The following DOCK4 variants were observed in gnomAD, a reference collection of about 807,000 sequenced individuals.
DOCK4 encodes dedicator of cytokinesis protein 4.
DOCK4 carries 97 observed loss-of-function variants against 268.1 expected under a neutral mutation model. The ratio of observed to expected loss-of-function variants is 0.36; its 90% CI spans 0.31 to 0.43. The LOEUF (loss-of-function observed/expected upper bound fraction) is 0.43, where lower values mean the gene tolerates loss of function less well. Among genes scored for constraint, DOCK4 ranks in the 20% least tolerant of loss-of-function variants. The pLI, the probability that DOCK4 is intolerant of heterozygous loss-of-function variation, is 1.00. For synonymous variants in DOCK4, 954 were observed against 887.2 expected (o/e 1.08, Z -1.34); for missense variants, 2,145 against 2,455.7 (o/e 0.87, Z 2.67).
chr7:111,855,332 G>A (rs943786946), intron 23 of DOCK4, among the ~76,000 whole-genome samples: 2 of 152,174 alleles, frequency 1.3e-5, no homozygotes, highest in Non-Finnish European at 2.9e-5. Context: ...GAGGCAGTGG[G>A]GGTGTGGAGA....
chr7:111,783,731 C>A (rs1288141431), intron 34 of DOCK4, 126 bp downstream of exon 34: 1 of 816,176 alleles, frequency 1.2e-6, no homozygotes, highest in Non-Finnish European at 2.0e-6. Context: ...CTTAGTATAC[C>A]AGGTTCCATG....
intron 1 of DOCK4, among the ~76,000 whole-genome samples, chr7:112,162,999 G>A (rs371874241): frequency 3.3e-5 from 5 of 152,076 alleles, no homozygotes; most frequent in South Asian, 2.1e-4. Flanking sequence ...GGAGCCAGAC[G>A]TCAACTTATC....
At chr7:112,019,856 TA>T (rs1185185073) in intron 1 of DOCK4, among the ~76,000 whole-genome samples, 2 of 152,072 alleles carry the variant, frequency 1.3e-5, no homozygotes, top group South Asian at 2.1e-4. Flanking sequence ...ATGAAGTCTT[TA>T]AAAAAAATTC....
chr7:112,098,324 G>A (rs930712944), intron 1 of DOCK4, among the ~76,000 whole-genome samples: 11 of 151,924 alleles, frequency 7.2e-5, no homozygotes, highest in South Asian at 2.1e-4. Context: ...GATTACAGGC[G>A]TGCACCACCA....
At chr7:111,752,510 T>TA (rs2133526604) in intron 42 of DOCK4, among the ~76,000 whole-genome samples, 1 of 151,762 alleles carries the variant, frequency 6.6e-6, no homozygotes, top group African/African-American at 2.4e-5. Context: ...GTTGGATTTT[T>TA]AAAAAATCAT....
At chr7:112,183,977 C>G (rs1263058070) in intron 1 of DOCK4, among the ~76,000 whole-genome samples, 4 of 152,124 alleles carry the variant, frequency 2.6e-5, no homozygotes, top group African/African-American at 9.7e-5. Flanking sequence ...CACGCACCTG[C>G]CCAGGTCTGA....
At chr7:111,826,350 A>G (rs1802385097) in intron 26 of DOCK4, among the ~76,000 whole-genome samples, 1 of 152,174 alleles carries the variant, frequency 6.6e-6, no homozygotes, top group Admixed American at 6.5e-5. Flanking sequence ...GAGTCTGGAC[A>G]TTTATCCTGC....
chr7:112,040,457 A>G (rs916659143), intron 1 of DOCK4, among the ~76,000 whole-genome samples: 4 of 152,216 alleles, frequency 2.6e-5, no homozygotes, highest in Admixed American at 2.0e-4. Context: ...ATCATTTGCC[A>G]AGGCACAGTG....
intron 30 of DOCK4, chr7:111,801,611 T>TC (rs1800286695): frequency 6.6e-6 from 1 of 152,162 alleles, no homozygotes. Context: ...CTTTTGTCTT[T>TC]CCCAAAGGAC....
At chr7:112,150,867 A>G (rs928155130) in intron 1 of DOCK4, among the ~76,000 whole-genome samples, 3 of 152,174 alleles carry the variant, frequency 2.0e-5, no homozygotes, top group African/African-American at 7.2e-5. Flanking sequence ...ACAGCAACAT[A>G]ATCCCCATAG....
At chr7:111,832,517 T>C (rs540736852) in intron 26 of DOCK4, among the ~76,000 whole-genome samples, 16 of 152,270 alleles carry the variant, frequency 1.1e-4, no homozygotes, top group Admixed American at 7.9e-4. Context: ...ATAATTCTCC[T>C]AGTCAGAAGG....
intron 15 of DOCK4, among the ~76,000 whole-genome samples, chr7:111,898,007 C>T (rs1400687289): frequency 6.6e-6 from 1 of 152,170 alleles, no homozygotes; most frequent in Non-Finnish European, 1.5e-5. Flanking sequence ...CTTTAAATCT[C>T]TTACTTGGAA....
intron 16 of DOCK4, among the ~76,000 whole-genome samples, chr7:111,888,825 TA>T (rs1562848957): frequency 6.6e-6 from 1 of 152,152 alleles, no homozygotes; most frequent in African/African-American, 2.4e-5. Flanking sequence ...ATGAGCCTTA[TA>T]GAGGATAGGG....
At chr7:112,008,908 G>A (rs1408252945) in intron 1 of DOCK4, among the ~76,000 whole-genome samples, 2 of 152,158 alleles carry the variant, frequency 1.3e-5, no homozygotes, top group East Asian at 1.9e-4. Flanking sequence ...CAGGAGAATC[G>A]CTTGAACCCG....
At chr7:112,120,533 A>T (rs757379556) in intron 1 of DOCK4, among the ~76,000 whole-genome samples, 3 of 152,236 alleles carry the variant, frequency 2.0e-5, no homozygotes, top group Non-Finnish European at 2.9e-5. Flanking sequence ...CTAAAAGTAA[A>T]TGGACATATC....
At chr7:112,037,334 T>C (rs913227766) in intron 1 of DOCK4, among the ~76,000 whole-genome samples, 11 of 152,186 alleles carry the variant, frequency 7.2e-5, no homozygotes, top group African/African-American at 2.2e-4. Context: ...TGTCAGCCTG[T>C]AACTCCATTG....
intron 23 of DOCK4, among the ~76,000 whole-genome samples, chr7:111,856,004 C>A (rs1804977802): frequency 1.3e-5 from 2 of 152,112 alleles, no homozygotes; most frequent in African/African-American, 4.8e-5. Flanking sequence ...AGTGAGGAGG[C>A]CCGTTATCAG....
intron 5 of DOCK4, among the ~76,000 whole-genome samples, chr7:111,992,318 A>C (rs1799607813): frequency 1.3e-5 from 2 of 152,220 alleles, no homozygotes; most frequent in Non-Finnish European, 2.9e-5. Flanking sequence ...GACGATGGAC[A>C]ATAACCTAAA....
chr7:112,118,051 G>A (rs1006954120), intron 1 of DOCK4, among the ~76,000 whole-genome samples: 1 of 152,110 alleles, frequency 6.6e-6, no homozygotes, highest in African/African-American at 2.4e-5. Context: ...CAGAGCTATT[G>A]TGTAAGGAAA....
Sources: allele counts gnomAD v4.1 joint callset (sites outside exome capture counted in the v4.1 genomes callset), GRCh38; gene constraint gnomAD v4.1.1; transcripts MANE v1.5; gene names NCBI Gene and HGNC (gene_info 2026-07-23, HGNC 2026-07-21).